MAD1L1: variants seen among roughly 807,000 people sequenced by gnomAD.
The protein encoded by MAD1L1 is mitotic arrest deficient 1 like 1.
A neutral mutation model predicts 96.9 loss-of-function variants in MAD1L1; 95 were observed. The ratio of observed to expected loss-of-function variants is 0.98; its 90% CI spans 0.83 to 1.16. The LOEUF (loss-of-function observed/expected upper bound fraction) is 1.16, where lower values mean the gene tolerates loss of function less well. MAD1L1 is among the 50% of genes most tolerant of loss of function. MAD1L1 has a pLI of 0.00. For missense variants in MAD1L1, 1,007 were observed against 954.4 expected (o/e 1.06, Z -0.73); for synonymous variants, 473 against 396.6 (o/e 1.19, Z -2.29).
At chr7:2,087,641 A>G (rs3823627) in intron 11 of MAD1L1, among the ~76,000 whole-genome samples, 8,146 of 152,270 alleles carry the variant, frequency 0.053, 396 homozygotes, top group African/African-American at 0.12. Flanking sequence ...GCACAGCTCC[A>G]CTGACCCAGG....
intron 15 of MAD1L1, among the ~76,000 whole-genome samples, chr7:1,959,603 G>T (rs947751879): frequency 6.6e-6 from 1 of 152,188 alleles, no homozygotes; most frequent in Non-Finnish European, 1.5e-5. Context: ...GCACAAGGCG[G>T]GGTTCTCATG....
chr7:2,199,004 C>T (rs1028255009), intron 10 of MAD1L1, among the ~76,000 whole-genome samples: 2 of 152,222 alleles, frequency 1.3e-5, no homozygotes, highest in Admixed American at 1.3e-4. Flanking sequence ...ATCCCCCCTT[C>T]ACAGTCCTCC....
intron 14 of MAD1L1, 115 bp downstream of exon 14, chr7:2,001,950 G>C (rs1781815481): frequency 1.8e-6 from 2 of 1,083,550 alleles, no homozygotes; most frequent in Admixed American, 3.6e-5. Flanking sequence ...TCCGACGACA[G>C]AAGAGGCAGC....
chr7:2,078,770 C>A (rs909235215), intron 11 of MAD1L1, among the ~76,000 whole-genome samples: 2 of 152,218 alleles, frequency 1.3e-5, no homozygotes, highest in African/African-American at 4.8e-5. Context: ...TCAGAGGTGG[C>A]ATGCCTCGCT....
chr7:1,822,442 A>ATATAT lies in MAD1L1; in HGVS notation c.1999-6215_1999-6214insATATA, dbSNP rs768089526. ...TCCAAACCTCAGCATATATATATAT[A>ATATAT]TTTTTTTTTTTTTTTTGGAAAGAGG... On this transcript the variant is annotated intron_variant, in intron 18 of 18. Coordinates refer to ENST00000265854, the MANE Select transcript of MAD1L1 (RefSeq NM_001013836.2). Among the ~76,000 whole-genome samples, 7 of 140,588 alleles carry ATATAT rather than the reference A, an allele frequency of 5.0e-5. No homozygotes were observed. In the East Asian group the frequency reaches 1.5e-3, roughly 29 times the overall value. The allele number at this position is 140,588 out of a possible 152,430, so 92.2% of individuals were successfully genotyped here.
intron 12 of MAD1L1, among the ~76,000 whole-genome samples, chr7:2,026,741 C>A (rs1783011624): frequency 6.6e-6 from 1 of 152,030 alleles, no homozygotes; most frequent in Non-Finnish European, 1.5e-5. Context: ...TGACTTGAGC[C>A]CAATGATAAG....
chr7:2,165,541 C>T (rs1046822915), intron 10 of MAD1L1, among the ~76,000 whole-genome samples: 2 of 105,544 alleles, frequency 1.9e-5, no homozygotes, highest in East Asian at 4.2e-4. Context: ...CTCTGCAGAG[C>T]GGGAAGAAGC....
intron 14 of MAD1L1, among the ~76,000 whole-genome samples, chr7:1,999,377 C>T (rs1005588394): frequency 1.6e-4 from 24 of 152,348 alleles, no homozygotes; most frequent in East Asian, 9.6e-4. Context: ...ATTTTCCCTC[C>T]GCTGAGCAAA....
chr7:1,868,676 C>A (rs2128653579), intron 18 of MAD1L1, among the ~76,000 whole-genome samples: 1 of 152,350 alleles, frequency 6.6e-6, no homozygotes, highest in South Asian at 2.1e-4. Context: ...GTAGGAGTGA[C>A]ACGCACTGCG....
chr7:1,883,148 G>A (rs1785793645), intron 18 of MAD1L1, among the ~76,000 whole-genome samples: 1 of 151,738 alleles, frequency 6.6e-6, no homozygotes, highest in South Asian at 2.1e-4. Context: ...AACAATTCCA[G>A]GAACCAGCTC....
chr7:1,941,529 C>A (rs781468292), intron 16 of MAD1L1, among the ~76,000 whole-genome samples: 1 of 152,226 alleles, frequency 6.6e-6, no homozygotes, highest in Admixed American at 6.5e-5. Flanking sequence ...CAGCGCCCTG[C>A]ACTGCTGGCC....
intron 11 of MAD1L1, among the ~76,000 whole-genome samples, chr7:2,138,517 G>T (rs1311917926): frequency 6.6e-6 from 1 of 152,244 alleles, no homozygotes; most frequent in African/African-American, 2.4e-5. Flanking sequence ...CACATCAAGA[G>T]GTGGGGATTG....
chr7:1,920,813 C>G (rs947574563), intron 17 of MAD1L1, among the ~76,000 whole-genome samples: 3 of 152,270 alleles, frequency 2.0e-5, no homozygotes, highest in African/African-American at 7.2e-5. Flanking sequence ...ACATCACCTA[C>G]ACCCCATAAC....
At chr7:1,976,217 T>C (rs981967195) in intron 15 of MAD1L1, among the ~76,000 whole-genome samples, 18 of 152,172 alleles carry the variant, frequency 1.2e-4, no homozygotes, top group African/African-American at 3.6e-4. Flanking sequence ...GTGTCCGAGA[T>C]TGGTGGGTTC....
chr7:2,112,137 T>C (rs1283324498), intron 11 of MAD1L1, among the ~76,000 whole-genome samples: 1 of 151,858 alleles, frequency 6.6e-6, no homozygotes, highest in Non-Finnish European at 1.5e-5. Context: ...GAGCCAAAGA[T>C]GCCATATTTG....
chr7:1,973,976 C>T (rs1780519800), intron 15 of MAD1L1, among the ~76,000 whole-genome samples: 1 of 152,250 alleles, frequency 6.6e-6, no homozygotes, highest in Admixed American at 6.5e-5. Flanking sequence ...CACGCTGATG[C>T]TGCTGGGCGG....
chr7:2,070,558 G>A (rs536624318), intron 11 of MAD1L1, among the ~76,000 whole-genome samples: 7 of 152,260 alleles, frequency 4.6e-5, no homozygotes, highest in Non-Finnish European at 1.5e-5. Flanking sequence ...AGTCCGCGGA[G>A]GGAGGGCCCA....
At chr7:2,019,999 T>A (rs1174587108) in intron 12 of MAD1L1, among the ~76,000 whole-genome samples, 1 of 152,192 alleles carries the variant, frequency 6.6e-6, no homozygotes, top group African/African-American at 2.4e-5. Flanking sequence ...TACATATGAC[T>A]TAAGCACACG....
chr7:2,111,968 T>C (rs1041937427), intron 11 of MAD1L1, among the ~76,000 whole-genome samples: 2 of 152,190 alleles, frequency 1.3e-5, no homozygotes, highest in African/African-American at 4.8e-5. Flanking sequence ...TTCCAGCAGC[T>C]TTACTCCATT....
Sources: allele counts gnomAD v4.1 joint callset (sites outside exome capture counted in the v4.1 genomes callset), GRCh38; gene constraint gnomAD v4.1.1; transcripts MANE v1.5; gene names NCBI Gene and HGNC (gene_info 2026-07-23, HGNC 2026-07-21).